Variants in FLT1 observed in about 807,000 individuals in gnomAD.
The protein encoded by FLT1 is fms related receptor tyrosine kinase 1.
In FLT1, 49 loss-of-function variants were observed where a neutral mutation model predicts 156.3. The observed-to-expected ratio is 0.31, with a 90% CI of 0.25 to 0.40. The LOEUF is 0.40. FLT1 is among the 10% of genes least tolerant of loss of function. FLT1 has a pLI of 1.00. For synonymous variants in FLT1, 594 were observed against 583.8 expected (o/e 1.02, Z -0.25); for missense variants, 1,322 against 1,637.2 (o/e 0.81, Z 3.32).
intron 14 of FLT1, among the ~76,000 whole-genome samples, chr13:28,379,593 A>G (rs1024233343): frequency 4.6e-5 from 7 of 152,216 alleles, no homozygotes; most frequent in Non-Finnish European, 7.3e-5. Flanking sequence ...AGCAGACAGC[A>G]TGCCAACCCC....
intron 12 of FLT1, among the ~76,000 whole-genome samples, chr13:28,394,641 A>G (rs1874931820): frequency 6.6e-6 from 1 of 152,154 alleles, no homozygotes. Context: ...CTTTTCTCTT[A>G]GCACATCCTC....
intron 10 of FLT1, among the ~76,000 whole-genome samples, chr13:28,412,047 G>A (rs923333315): frequency 6.6e-6 from 1 of 152,126 alleles, no homozygotes; most frequent in Admixed American, 6.5e-5. Flanking sequence ...AAAGGATAGA[G>A]GAGTAATGAA....
chr13:28,487,527 T>C (rs973800641), intron 1 of FLT1, among the ~76,000 whole-genome samples: 1 of 152,034 alleles, frequency 6.6e-6, no homozygotes, highest in Non-Finnish European at 1.5e-5. Flanking sequence ...AAGACCAGGC[T>C]GAGAAAAAGT....
chr13:28,390,051 C>T lies in FLT1; in HGVS notation c.1714G>A (p.Asp572Asn). The T allele has an allele frequency of 6.2e-7, 1 of 1,614,178 alleles. No individual in the cohort carries two copies. Among genetic ancestry groups the T allele is most frequent in the Non-Finnish European group, 8.5e-7 (1 of 1,180,030 alleles). The stretch of plus-strand genomic sequence containing the variant: ...TTAACTGTGCAAGACAGTTTCAGGT[C>T]CTCTCCTTCCGTCGGCATTTTTTCC... ...NLEKMPTEGE[D>N]LKLSCTVNKF... The change falls in exon 13 of 30, where the codon GAC becomes AAC. Residue 572 changes from aspartate to asparagine, a missense_variant. By Grantham distance (23) the Asp-to-Asn change is conservative (BLOSUM62 1). Transcript: ENST00000282397.
chr13:28,388,561 C>T lies in FLT1; in HGVS notation c.1969+1235G>A, dbSNP rs112110458. ...GGTGAAAAAGTCATTTTCCCTCAAA[C>T]GCAAGCTTAAAACAAGAGATTACAA... is the stretch of plus-strand genomic sequence containing the variant. On this transcript the variant is annotated intron_variant, in intron 13 of 29. Transcript: ENST00000282397. The T allele has an allele frequency of 2.5e-3, 2,598 of 1,049,978 alleles. 41 individuals are homozygous for T. In the African/African-American group the frequency reaches 0.04, roughly 16 times the overall value. 65.0% of individuals were successfully genotyped at this position (1,049,978 alleles called of 1,614,324 possible). A position where few individuals can be genotyped will look rare whatever the true frequency, so the allele number is the denominator to read the frequency against.
intron 6 of FLT1, among the ~76,000 whole-genome samples, chr13:28,432,935 AATGTGTCCCT>A (rs1228242738): frequency 6.6e-6 from 1 of 152,250 alleles, no homozygotes; most frequent in Non-Finnish European, 1.5e-5. Context: ...ATAAGTCCTT[AATGTGTCCCT>A]ACAGGGCACT....
chr13:28,431,854 T>C (rs1038182110), intron 6 of FLT1, among the ~76,000 whole-genome samples: 31 of 152,248 alleles, frequency 2.0e-4, no homozygotes, highest in African/African-American at 7.5e-4. Context: ...CTACGAGATA[T>C]GAAGGAAAAT....
intron 3 of FLT1, among the ~76,000 whole-genome samples, chr13:28,445,717 A>G (rs915104916): frequency 8.5e-5 from 13 of 152,184 alleles, no homozygotes; most frequent in Non-Finnish European, 1.6e-4. Flanking sequence ...CAGGGCCCAG[A>G]TGGCAAGTCA....
At chr13:28,392,943 C>T (rs1409013758) in intron 12 of FLT1, among the ~76,000 whole-genome samples, 41 of 152,020 alleles carry the variant, frequency 2.7e-4, no homozygotes, top group Admixed American at 2.7e-3. Flanking sequence ...CTCTTTTGAT[C>T]CATGGAAGAT....
At chr13:28,346,976 G>A (rs763225193) in intron 15 of FLT1, among the ~76,000 whole-genome samples, 24 of 152,106 alleles carry the variant, frequency 1.6e-4, no homozygotes, top group Non-Finnish European at 2.8e-4. Flanking sequence ...GTTAGGGGCC[G>A]GAGGAGATAG....
intron 14 of FLT1, among the ~76,000 whole-genome samples, chr13:28,378,670 G>T (rs746529347): frequency 3.3e-5 from 5 of 152,126 alleles, no homozygotes; most frequent in Non-Finnish European, 7.3e-5. Context: ...AAACCTCACA[G>T]AATTGTAATG....
chr13:28,389,992 T>C lies in FLT1; in HGVS notation c.1773A>G (p.Leu591=). Residue 591 remains leucine, a synonymous_variant, in exon 13 of 30, where the codon TTA becomes TTG. Transcript: ENST00000282397. The part of the protein sequence containing the change: ...KFLYRDVTWI[L]LRTVNNRTMH... The stretch of plus-strand genomic sequence containing the variant: ...TTGTTCTGTTATTAACTGTCCGCAG[T>C]AAAATCCAAGTAACGTCTCTGTATA... 6.2e-7 allele frequency: 1 copy of C among 1,614,180 alleles called. No homozygotes were observed. Among genetic ancestry groups the C allele is most frequent in the Non-Finnish European group, 8.5e-7 (1 of 1,180,016 alleles).
chr13:28,457,174 T>C (rs77510201), intron 3 of FLT1, among the ~76,000 whole-genome samples: 18 of 146,212 alleles, frequency 1.2e-4, no homozygotes, highest in Non-Finnish European at 2.2e-4. Context: ...AAAAAAAAAA[T>C]CATACACACA....
chr13:28,339,091 C>T, intron 17 of FLT1, 77 bp downstream of exon 17: 2 of 1,423,942 alleles, frequency 1.4e-6, no homozygotes, highest in South Asian at 2.4e-5. Context: ...TTTACTTTCG[C>T]ATCTCTCAAA....
At chr13:28,417,542 C>T (rs1028017443) in intron 10 of FLT1, among the ~76,000 whole-genome samples, 4 of 152,186 alleles carry the variant, frequency 2.6e-5, no homozygotes, top group African/African-American at 9.7e-5. Flanking sequence ...AAATCAGAGA[C>T]ATGCATCTAG....
intron 3 of FLT1, 44 bp downstream of exon 3, chr13:28,466,859 T>A: frequency 7.2e-7 from 1 of 1,388,470 alleles, no homozygotes; most frequent in Non-Finnish European, 1.0e-6. Flanking sequence ...TATGACTCAT[T>A]TGCAAAGCAA....
intron 1 of FLT1, among the ~76,000 whole-genome samples, chr13:28,491,335 C>CT (rs960991147): frequency 4.6e-5 from 7 of 152,082 alleles, no homozygotes; most frequent in Non-Finnish European, 8.8e-5. Context: ...AAATCTGGAA[C>CT]TTTTTTTAAA....
At chr13:28,415,247 A>C (rs1461788946) in intron 10 of FLT1, among the ~76,000 whole-genome samples, 1 of 152,228 alleles carries the variant, frequency 6.6e-6, no homozygotes, top group East Asian at 1.9e-4. Flanking sequence ...TGGGAGGCCA[A>C]GGCAGACGGA....
Position 28,339,301 on chromosome 13 carries a change from C to G in FLT1, c.2356-1G>C, listed in dbSNP as rs56071338. The stretch of plus-strand genomic sequence containing the variant: ...AGTCAGTCTTTATTTCAGAAGAAGA[C>G]TGAGAAATAAAGAGATCTCAAAGTC... On this transcript the variant is annotated splice_acceptor_variant, in intron 16 of 29. Transcript: ENST00000282397. LOFTEE classifies it high-confidence loss of function. 1.2e-6 allele frequency: 2 copies of G among 1,612,990 alleles called. No individual in the cohort carries two copies. Among genetic ancestry groups the G allele is most frequent in the Admixed American group, 3.3e-5 (2 of 60,000 alleles).
Sources: allele counts gnomAD v4.1 joint callset (sites outside exome capture counted in the v4.1 genomes callset), GRCh38; gene constraint gnomAD v4.1.1; transcripts MANE v1.5; gene names NCBI Gene and HGNC (gene_info 2026-07-23, HGNC 2026-07-21).